Variants in PCDH15 observed in about 807,000 individuals in gnomAD.
PCDH15 encodes the protein protocadherin-15.
PCDH15 carries 129 observed loss-of-function variants against 178.5 expected under a neutral mutation model. That is an observed-to-expected ratio of 0.72 (90% CI 0.63 to 0.84). The LOEUF (loss-of-function observed/expected upper bound fraction) is 0.84, where lower values mean the gene tolerates loss of function less well. Among genes scored for constraint, PCDH15 ranks in the 40% least tolerant of loss-of-function variants. The pLI, the probability that PCDH15 is intolerant of heterozygous loss-of-function variation, is 0.00. For synonymous variants in PCDH15, 800 were observed against 732.0 expected (o/e 1.09, Z -1.50); for missense variants, 2,230 against 2,099.9 (o/e 1.06, Z -1.21).
chr10:54,688,714 C>T (rs1188951433), intron 1 of PCDH15, among the ~76,000 whole-genome samples: 1 of 152,056 alleles, frequency 6.6e-6, no homozygotes, highest in African/African-American at 2.4e-5. Flanking sequence ...AATTTCCATT[C>T]CTACTTAAGA....
In PCDH15 at chr10:55,079,632, C is replaced by A. The variant is rs145050226; in HGVS notation, c.-80+86944G>T. On this transcript the variant is annotated intron_variant, in intron 2 of 5. Transcript: ENST00000458638. The stretch of plus-strand genomic sequence containing the variant: ...GACAACAGTGGGCCAGGTGGGCAGG[C>A]AGGCTCTTAGGCCCCTGGACAGCTA... 6.9e-4 allele frequency among the ~76,000 whole-genome samples: 105 copies of A among 152,248 alleles called. 1 individual carries two copies. The East Asian group carries it at 0.02, about 29-fold the overall frequency.
At chr10:54,639,688 T>C (rs1275607003) in intron 2 of PCDH15, among the ~76,000 whole-genome samples, 3 of 152,138 alleles carry the variant, frequency 2.0e-5, no homozygotes, top group Non-Finnish European at 4.4e-5. Context: ...AGTATTCCTC[T>C]GAGAGTCTGG....
At chr10:54,763,352 T>C (rs912424117) in intron 1 of PCDH15, among the ~76,000 whole-genome samples, 7 of 152,092 alleles carry the variant, frequency 4.6e-5, no homozygotes, top group African/African-American at 1.7e-4. Flanking sequence ...AGAATACAGA[T>C]GTTAGGAAGT....
At chr10:54,551,476 C>T (rs1220887192) in intron 2 of PCDH15, among the ~76,000 whole-genome samples, 1 of 151,916 alleles carries the variant, frequency 6.6e-6, no homozygotes, top group African/African-American at 2.4e-5. Flanking sequence ...AATAAACTTA[C>T]CCAAATGGAA....
intron 3 of PCDH15, among the ~76,000 whole-genome samples, chr10:54,872,423 T>C (rs1462759830): frequency 1.3e-5 from 2 of 152,140 alleles, no homozygotes; most frequent in Non-Finnish European, 2.9e-5. Flanking sequence ...AGCCAATATA[T>C]ATCTACTTAA....
chr10:54,367,182 A>C (rs535118713), intron 5 of PCDH15, among the ~76,000 whole-genome samples: 2 of 152,204 alleles, frequency 1.3e-5, no homozygotes, highest in African/African-American at 4.8e-5. Context: ...TGAGAGAGTT[A>C]ATCTGAACAG....
chr10:54,371,050 A>C (rs1263349604), intron 4 of PCDH15, among the ~76,000 whole-genome samples: 1 of 151,922 alleles, frequency 6.6e-6, no homozygotes. Context: ...AAGGCATTAA[A>C]ATCATGTGTA....
At chr10:55,518,759 G>T in intron 2 of PCDH15, among the ~76,000 whole-genome samples, 1 of 151,980 alleles carries the variant, frequency 6.6e-6, no homozygotes, top group Middle Eastern at 3.4e-3. Context: ...CACAGAAGCA[G>T]TCCAAGCCTC....
At position 54,996,753 on chromosome 10, in the gene PCDH15, T is replaced by A. The variant is rs112195085; in HGVS notation, c.-79-99253A>T. Among the ~76,000 whole-genome samples, 1,027 of 152,262 alleles carry A rather than the reference T, an allele frequency of 6.7e-3. 12 individuals are homozygous for A. Among genetic ancestry groups the A allele is most frequent in the African/African-American group, 0.024 (980 of 41,552 alleles). On this transcript the variant is annotated intron_variant, in intron 2 of 5. Coordinates refer to the PCDH15 transcript ENST00000458638. ...AGGGTTTGGTCAGGTTAGTACATGA[T>A]GTTCTTCTGAGATGCTGTTTGGCCC...
chr10:54,257,509 C>T (rs2057007243), intron 8 of PCDH15, among the ~76,000 whole-genome samples: 1 of 150,374 alleles, frequency 6.7e-6, no homozygotes, highest in Non-Finnish European at 1.5e-5. Context: ...AAATACTACC[C>T]TCCTTTGTTT....
chr10:55,554,487 T>C (rs1417187022), intron 2 of PCDH15, among the ~76,000 whole-genome samples: 2 of 152,034 alleles, frequency 1.3e-5, no homozygotes, highest in Non-Finnish European at 2.9e-5. Context: ...TGAACCAATA[T>C]TGACATTATT....
intron 15 of PCDH15, among the ~76,000 whole-genome samples, chr10:54,097,542 A>G (rs1222792411): frequency 6.6e-6 from 1 of 152,072 alleles, no homozygotes; most frequent in Non-Finnish European, 1.5e-5. Flanking sequence ...TCCCCATAAC[A>G]TCTTCTAAAA....
chr10:54,013,111 A>G (rs2092640736), intron 20 of PCDH15, among the ~76,000 whole-genome samples: 1 of 152,186 alleles, frequency 6.6e-6, no homozygotes, highest in Admixed American at 6.5e-5. Flanking sequence ...GTTGCTATCC[A>G]AATTTCAGAC....
At chr10:55,577,739 C>G (rs1842523803) in intron 2 of PCDH15, among the ~76,000 whole-genome samples, 1 of 152,054 alleles carries the variant, frequency 6.6e-6, no homozygotes, top group Non-Finnish European at 1.5e-5. Context: ...TTAAATTCAC[C>G]TTGGTGATCA....
intron 10 of PCDH15, among the ~76,000 whole-genome samples, chr10:54,203,308 G>A (rs2050441483): frequency 6.6e-6 from 1 of 152,150 alleles, no homozygotes; most frequent in Admixed American, 6.5e-5. Context: ...AGTATTCATA[G>A]GTCATGGTCA....
intron 21 of PCDH15, among the ~76,000 whole-genome samples, chr10:53,986,377 G>A (rs1768467307): frequency 6.6e-6 from 1 of 152,176 alleles, no homozygotes; most frequent in South Asian, 2.1e-4. Flanking sequence ...TGGTGGAAAT[G>A]TAAAATGGCA....
intron 13 of PCDH15, among the ~76,000 whole-genome samples, chr10:54,174,697 C>CTTTTTTTTT (rs754597400): frequency 1.4e-5 from 1 of 70,830 alleles, no homozygotes; most frequent in African/African-American, 7.7e-5. Flanking sequence ...TTTTCTTTTT[C>CTTTTTTTTT]TTTTCTTTTT....
At chr10:55,049,207 T>G (rs117723843) in intron 2 of PCDH15, among the ~76,000 whole-genome samples, 1,775 of 152,102 alleles carry the variant, frequency 0.012, 11 homozygotes, top group Non-Finnish European at 0.018. Context: ...GCTTGTGAAT[T>G]GCAAAATAAG....
chr10:54,201,430 T>C (rs917337635), intron 10 of PCDH15, among the ~76,000 whole-genome samples: 2 of 151,842 alleles, frequency 1.3e-5, no homozygotes, highest in Non-Finnish European at 2.9e-5. Flanking sequence ...TATGTAAAAA[T>C]AGAAATATAA....
Sources: gnomAD v4.1 joint callset for allele counts (sites outside exome capture counted in the v4.1 genomes callset) on GRCh38, gnomAD v4.1.1 for gene constraint, MANE v1.5 for transcripts, NCBI Gene and HGNC (gene_info 2026-07-23, HGNC 2026-07-21) for gene names.